The following IRF4 variants were observed in gnomAD, a reference collection of about 807,000 sequenced individuals.
The protein encoded by IRF4 is lymphocyte-specific interferon regulatory factor.
In IRF4, 13 loss-of-function variants were observed where a neutral mutation model predicts 55.5. The observed-to-expected ratio is 0.23, with a 90% CI of 0.15 to 0.37. The LOEUF (loss-of-function observed/expected upper bound fraction) is 0.37, where lower values mean the gene tolerates loss of function less well. Among genes scored for constraint, IRF4 ranks in the 10% least tolerant of loss-of-function variants. The probability of loss-of-function intolerance (pLI) is 1.00; values close to 1 mark genes in which losing one functional copy is unlikely to be tolerated. For missense variants in IRF4, 397 were observed against 593.8 expected (o/e 0.67, Z 3.44); for synonymous variants, 249 against 240.7 (o/e 1.03, Z -0.32).
intron 3 of IRF4, among the ~76,000 whole-genome samples, chr6:395,347 A>G (rs1263181092): frequency 6.6e-6 from 1 of 152,182 alleles, no homozygotes; most frequent in Admixed American, 6.5e-5. Flanking sequence ...GTCTTTAGTG[A>G]GTGACTATTT....
At position 411,314 on chromosome 6, in the gene IRF4, C is replaced by T. The variant is rs1761695709; in HGVS notation, c.*3716C>T. 1 of 224,022 alleles carries T rather than the reference C, an allele frequency of 4.5e-6. No individual in the cohort carries two copies. The highest frequency in any genetic ancestry group is 2.2e-5 in the African/African-American group (1 of 44,814). 13.9% of individuals were successfully genotyped at this position (224,022 alleles called of 1,614,324 possible). A position where few individuals can be genotyped will look rare whatever the true frequency, so the allele number is the denominator to read the frequency against. Reference sequence around the variant, plus strand: ...TCTGTAGGAAAGGATGCTTCACAAACTGAGGTAGATAATGCTATGCTGTCG... The same window carrying T: ...TCTGTAGGAAAGGATGCTTCACAAATTGAGGTAGATAATGCTATGCTGTCG... On this transcript the variant is annotated 3_prime_UTR_variant, in exon 9 of 9. Transcript: ENST00000380956.
intron 8 of IRF4, among the ~76,000 whole-genome samples, chr6:405,658 G>A: frequency 6.6e-6 from 1 of 152,164 alleles, no homozygotes; most frequent in East Asian, 1.9e-4. Context: ...TATGATATTT[G>A]AAAGAGGCTG....
In IRF4 at chr6:408,891, A is replaced by G. The variant is rs778917257; in HGVS notation, c.*1293A>G. 25 of 231,186 alleles carry G rather than the reference A, an allele frequency of 1.1e-4. No homozygotes were observed. The highest frequency in any genetic ancestry group is 2.0e-4 in the Non-Finnish European group (23 of 116,708). 14.3% of individuals were successfully genotyped at this position (231,186 alleles called of 1,614,324 possible). On this transcript the variant is annotated 3_prime_UTR_variant, in exon 9 of 9. Transcript: ENST00000380956. ...TTCCTCGTGCCAATTATAGTTTGACAGGGCCTTAAAATTACTTGGCTTTTT... is the reference window on the plus strand; with the variant it reads ...TTCCTCGTGCCAATTATAGTTTGACGGGGCCTTAAAATTACTTGGCTTTTT...
At chr6:398,396 C>A (rs1761320979) in intron 5 of IRF4, among the ~76,000 whole-genome samples, 2 of 152,334 alleles carry the variant, frequency 1.3e-5, no homozygotes, top group South Asian at 4.1e-4. Context: ...GTTCTCCCAA[C>A]CCACAAGAGA....
chr6:401,552 T>A lies in IRF4; in HGVS notation c.874T>A (p.Phe292Ile). The A allele has an allele frequency of 6.2e-7, 1 of 1,614,096 alleles. No individual in the cohort carries two copies. The highest frequency in any genetic ancestry group is 8.5e-7 in the Non-Finnish European group (1 of 1,180,020). ...YDASNLDQVL[F>I]PYPEDNGQRK... ...CGCCAGCAACCTGGACCAGGTCCTG[T>A]TCCCCTACCCAGAGGACAATGGCCA... Residue 292 changes from phenylalanine to isoleucine, a missense_variant, in exon 7 of 9, where the codon TTC becomes ATC. Around this residue, in one of 3 missense-constraint regions of IRF4, gnomAD observed 341 missense variants for 548.1 expected, o/e 0.62. Coordinates refer to ENST00000380956, the MANE Select transcript of IRF4 (RefSeq NM_002460.4).
intron 7 of IRF4, among the ~76,000 whole-genome samples, chr6:404,794 G>T (rs1761501622): frequency 1.3e-5 from 2 of 152,236 alleles, no homozygotes; most frequent in African/African-American, 2.4e-5. Context: ...TCCTCTTGAA[G>T]AATCGAGGGA....
chr6:400,352 G>T (rs1008932926), intron 6 of IRF4, among the ~76,000 whole-genome samples: 1 of 152,158 alleles, frequency 6.6e-6, no homozygotes, highest in Non-Finnish European at 1.5e-5. Context: ...TGAGGAGCTT[G>T]TGCAAACCCA....
At chr6:396,296 A>G (rs1241937701) in intron 4 of IRF4, among the ~76,000 whole-genome samples, 2 of 152,252 alleles carry the variant, frequency 1.3e-5, no homozygotes, top group Non-Finnish European at 2.9e-5. Context: ...GCTTTGTTTC[A>G]TCCACTTTGG....
At chr6:396,342 T>C (rs566048235) in intron 4 of IRF4, among the ~76,000 whole-genome samples, 120 of 152,378 alleles carry the variant, frequency 7.9e-4, no homozygotes, top group Middle Eastern at 3.4e-3. Flanking sequence ...GTGGTACTTT[T>C]GGTGCCAGGT....
Position 411,004 on chromosome 6 carries a change from T to A in IRF4, c.*3406T>A, listed in dbSNP as rs1761687940. On this transcript the variant is annotated 3_prime_UTR_variant, in exon 9 of 9. Coordinates refer to ENST00000380956, the MANE Select transcript of IRF4 (RefSeq NM_002460.4). Reference sequence around the variant, plus strand: ...GAATGAAGTAAAGGTCAGTTTTTTTTTGTATTGATTTTCACAGCTTTGAGG... The same window carrying A: ...GAATGAAGTAAAGGTCAGTTTTTTTATGTATTGATTTTCACAGCTTTGAGG... 1 of 232,708 alleles carries A rather than the reference T, an allele frequency of 4.3e-6. No individual in the cohort carries two copies. Among genetic ancestry groups the A allele is most frequent in the South Asian group, 1.8e-4 (1 of 5,520 alleles). The allele number at this position is 232,708 out of a possible 1,614,324, so 14.4% of individuals were successfully genotyped here. A position where few individuals can be genotyped will look rare whatever the true frequency, so the allele number is the denominator to read the frequency against.
rs1339754619 is a variant in IRF4 at position 393,170 on chromosome 6, C to A, written c.18C>A (p.Gly6=). Residue 6 remains glycine, a synonymous_variant, in exon 2 of 9, where the codon GGC becomes GGA. Transcript: ENST00000380956. This position sits in a 1 kb window ranked among gnomAD's most constrained non-coding sequence, Gnocchi z 5.4. ...CGCGGGGCATGAACCTGGAGGGCGG[C>A]GGCCGAGGCGGAGAGTTCGGCATGA... MNLEG[G]GRGGEFGMSA... The A allele has an allele frequency of 3.2e-6, 5 of 1,550,698 alleles. No individual in the cohort carries two copies. The African/African-American group carries it at 6.8e-5, about 21-fold the overall frequency.
chr6:403,097 G>A (rs1761450587), intron 7 of IRF4, among the ~76,000 whole-genome samples: 1 of 152,250 alleles, frequency 6.6e-6, no homozygotes, highest in Admixed American at 6.5e-5. Context: ...AGGGAGAACT[G>A]TGCTGGTTCC....
At chr6:402,454 G>A (rs555662810) in intron 7 of IRF4, among the ~76,000 whole-genome samples, 1 of 148,672 alleles carries the variant, frequency 6.7e-6, no homozygotes, top group African/African-American at 2.6e-5. Flanking sequence ...GGAGGGAGCT[G>A]CTCTACCCGC....
At position 405,106 on chromosome 6, in the gene IRF4, G is replaced by T; in HGVS notation, c.1188G>T (p.Arg396Ser). 6.2e-7 allele frequency: 1 copy of T among 1,610,138 alleles called. No individual in the cohort carries two copies. Among genetic ancestry groups the T allele is most frequent in the Non-Finnish European group, 8.5e-7 (1 of 1,176,416 alleles). The change falls in exon 8 of 9, where the codon AGG becomes AGT. Residue 396 changes from arginine to serine, a missense_variant. By Grantham distance (110) the Arg-to-Ser change is moderately radical. Transcript: ENST00000380956. ...CFGEEFPDPQ[R>S]QRKLITAHVE... ...GAGAGGAGTTTCCAGACCCTCAGAG[G>T]CAAAGAAAGCTCATCACAGCTCACG...
At chr6:396,321 C>G (rs12203592) in intron 4 of IRF4, among the ~76,000 whole-genome samples, 1 of 152,204 alleles carries the variant, frequency 6.6e-6, no homozygotes, top group Admixed American at 6.5e-5. Flanking sequence ...TAAAAGAAGG[C>G]AAATTCCCCT....
rs188462828 is a variant in IRF4, at chr6:408,488, G to A, written c.*890G>A. 1.7e-5 allele frequency: 4 copies of A among 229,878 alleles called. No individual in the cohort carries two copies. The highest frequency in any genetic ancestry group is 3.4e-5 in the Non-Finnish European group (4 of 115,994). 14.2% of individuals were successfully genotyped at this position (229,878 alleles called of 1,614,324 possible). Reference sequence around the variant, plus strand: ...AAACATGAGCGCTACTCTTGGATGGGACATTTTTGTCTGTCCTACAATCTA... The same window carrying A: ...AAACATGAGCGCTACTCTTGGATGGAACATTTTTGTCTGTCCTACAATCTA... On this transcript the variant is annotated 3_prime_UTR_variant, in exon 9 of 9. Coordinates refer to ENST00000380956, the MANE Select transcript of IRF4 (RefSeq NM_002460.4).
At position 401,528 on chromosome 6, in the gene IRF4, G is replaced by T. The variant is rs767774669; in HGVS notation, c.850G>T (p.Ala284Ser). Residue 284 changes from alanine (A) to serine (S), a missense_variant, in exon 7 of 9, where the codon GCC (alanine) becomes TCC (serine). Physicochemically the swap from Ala to Ser is moderately conservative, Grantham distance 99. Around this residue, in one of 3 missense-constraint regions of IRF4, gnomAD observed 341 missense variants for 548.1 expected, o/e 0.62. Transcript: ENST00000380956. ...GATCTCCCATGGACATACGTATGACGCCAGCAACCTGGACCAGGTCCTGTT... is the reference window on the plus strand; with the variant it reads ...GATCTCCCATGGACATACGTATGACTCCAGCAACCTGGACCAGGTCCTGTT... ...CRISHGHTYD[A>S]SNLDQVLFPY... The T allele has an allele frequency of 6.2e-7, 1 of 1,614,046 alleles. No homozygotes were observed. The highest frequency in any genetic ancestry group is 2.2e-5 in the East Asian group (1 of 44,880).
chr6:393,083 C>A lies in IRF4; in HGVS notation c.-55-15C>A. 7.1e-7 allele frequency: 1 copy of A among 1,407,356 alleles called. No individual in the cohort carries two copies. The highest frequency in any genetic ancestry group is 9.6e-7 in the Non-Finnish European group (1 of 1,036,724). 87.2% of individuals were successfully genotyped at this position (1,407,356 alleles called of 1,614,324 possible). ...GCGGTGCCTCGTGGCTGAAGGGCAG[C>A]TCTTCTCCCCGCAGTGCAGAGCAGA... is the stretch of plus-strand genomic sequence containing the variant. On this transcript the variant is annotated splice_polypyrimidine_tract_variant and intron_variant, in intron 1 of 8. Coordinates refer to ENST00000380956, the MANE Select transcript of IRF4 (RefSeq NM_002460.4). This position sits in a 1 kb window ranked among gnomAD's most constrained non-coding sequence, Gnocchi z 5.4.
chr6:406,783 T>C, intron 8 of IRF4: 1 of 1,215,212 alleles, frequency 8.2e-7, no homozygotes, highest in Non-Finnish European at 1.1e-6. Context: ...GGAGTTTAGC[T>C]TAAGTCGTCA....
Sources: gnomAD v4.1 joint callset for allele counts (sites outside exome capture counted in the v4.1 genomes callset) on GRCh38, gnomAD v4.1.1 for gene constraint, gnomAD v4.1.1 regional missense constraint, Gnocchi (gnomAD v3.1) non-coding constraint, MANE v1.5 for transcripts, NCBI Gene and HGNC (gene_info 2026-07-23, HGNC 2026-07-21) for gene names.